QRICH2: variants seen among roughly 807,000 people sequenced by gnomAD.
QRICH2 encodes glutamine-rich protein 2.
In QRICH2, 119 loss-of-function variants were observed where a neutral mutation model predicts 168.3. That is an observed-to-expected ratio of 0.71 (90% confidence interval 0.61 to 0.82). The LOEUF (loss-of-function observed/expected upper bound fraction) is 0.82. QRICH2 is among the 40% of genes least tolerant of loss of function. QRICH2 has a pLI of 0.00. For synonymous variants in QRICH2, 894 were observed against 951.2 expected, an observed-to-expected ratio of 0.94 and a Z score of 1.11; for missense variants, 2,241 against 2,491.6, an observed-to-expected ratio of 0.90 and a Z score of 2.14.
chr17:76,279,424 G>A lies in QRICH2; in HGVS notation c.4753C>T (p.Leu1585Phe). 6.2e-7 allele frequency: 1 copy of A among 1,610,814 alleles called. No homozygotes were observed. The highest frequency in any genetic ancestry group is 2.2e-5 in the East Asian group (1 of 44,716). The change falls in exon 13 of 19, where the codon CTC becomes TTC. Residue 1585 changes from leucine to phenylalanine, a missense_variant. Around this residue, in one of 3 missense-constraint regions of QRICH2, gnomAD observed 2,047 missense variants for 2,303.8 expected, o/e 0.89. Coordinates refer to ENST00000680821, the MANE Select transcript of QRICH2 (RefSeq NM_001388453.1). Reference protein sequence around the residue: ...ADEAAAMRRQLLAHFHCLSCD... With the variant: ...ADEAAAMRRQFLAHFHCLSCD... ...GAGAGGCAGTGGAAATGTGCCAGGA[G>A]CTGCCTGTTAGGAATGGGACGCACA...
chr17:76,305,001 GCA>G (rs1320816733), intron 1 of QRICH2, 60 bp from the exon 2 acceptor site: 117 of 1,077,412 alleles, frequency 1.1e-4, no homozygotes, highest in Non-Finnish European at 1.4e-4. Context: ...ACACTCACAT[GCA>G]CACACACACA....
In QRICH2 at chr17:76,280,428, G is replaced by A; in HGVS notation, c.4485C>T (p.Ala1495=). The change falls in exon 11 of 19, where the codon GCC becomes GCT. Residue 1495 remains alanine (A), a synonymous_variant. Coordinates refer to ENST00000680821, the MANE Select transcript of QRICH2 (RefSeq NM_001388453.1). The surrounding 1 kb of genome is among the most constrained non-coding windows in gnomAD (Gnocchi z 7.4). ...CAAACTGGACACGGCTCACTTTGGT[G>A]GCCAGAGCACTCTTGTCGGCTTTCT... ...IDVKADKSAL[A]TKVSRVQFDA... The A allele has an allele frequency of 6.2e-7, 1 of 1,614,118 alleles. No individual in the cohort carries two copies. Among genetic ancestry groups the A allele is most frequent in the Non-Finnish European group, 8.5e-7 (1 of 1,180,016 alleles).
rs1288717058 is a variant in QRICH2 at position 76,280,868 on chromosome 17, A to C, written c.4349T>G (p.Leu1450Arg). 6.2e-7 allele frequency: 1 copy of C among 1,613,642 alleles called. No homozygotes were observed. Among genetic ancestry groups the C allele is most frequent in the Admixed American group, 1.7e-5 (1 of 60,012 alleles). The change falls in exon 9 of 19, where the codon CTC becomes CGC. Residue 1450 changes from leucine to arginine, a missense_variant. Transcript: ENST00000680821. This position sits in a 1 kb window ranked among gnomAD's most constrained non-coding sequence, Gnocchi z 7.4. ...CEKLNITTSN[L>R]IEDHRQKQKD... ...CTGTTTCTGCCGATGGTCCTCGATG[A>C]GGTTGCTGGTGGTGATGTTGAGCTT...
chr17:76,281,234 C>T lies in QRICH2; in HGVS notation c.4264-281G>A, dbSNP rs974770425. ...AACAGTGCGGGAGGCCCTCTGTCTG[C>T]CCTTTCTGGGTGTCCACCCCCACAG... On this transcript the variant is annotated intron_variant, in intron 8 of 18. Coordinates refer to ENST00000680821, the MANE Select transcript of QRICH2 (RefSeq NM_001388453.1). This position sits in a 1 kb window ranked among gnomAD's most constrained non-coding sequence, Gnocchi z 4.4. 1.3e-5 allele frequency among the ~76,000 whole-genome samples: 2 copies of T among 152,194 alleles called. No individual in the cohort carries two copies. The highest frequency in any genetic ancestry group is 2.4e-5 in the African/African-American group (1 of 41,432).
chr17:76,280,346 C>A lies in QRICH2; in HGVS notation c.4567G>T (p.Gly1523Trp). 1 of 1,614,210 alleles carries A rather than the reference C, an allele frequency of 6.2e-7. No homozygotes were observed. Among genetic ancestry groups the A allele is most frequent in the South Asian group, 1.1e-5 (1 of 91,086 alleles). ...MMQELVAKMS[G>W]QEQDWQKMLD... ...ATCTTCTGCCAGTCCTGCTCCTGCCCGCTCATCTTGGCCACCAGCTCCTGC... is the reference window on the plus strand; with the variant it reads ...ATCTTCTGCCAGTCCTGCTCCTGCCAGCTCATCTTGGCCACCAGCTCCTGC... Residue 1523 changes from glycine to tryptophan, a missense_variant, in exon 11 of 19, where the codon GGG becomes TGG. By Grantham distance (184) the Gly-to-Trp change is radical (BLOSUM62 -2). Around this residue, in one of 3 missense-constraint regions of QRICH2, gnomAD observed 2,047 missense variants for 2,303.8 expected, o/e 0.89. Transcript: ENST00000680821. This position sits in a 1 kb window ranked among gnomAD's most constrained non-coding sequence, Gnocchi z 7.4.
In QRICH2 at chr17:76,308,000, G is replaced by C; in HGVS notation, c.-2C>G. 8.1e-7 allele frequency: 1 copy of C among 1,233,196 alleles called. No homozygotes were observed. Among genetic ancestry groups the C allele is most frequent in the Non-Finnish European group, 1.0e-6 (1 of 988,504 alleles). The allele number at this position is 1,233,196 out of a possible 1,614,324, so 76.4% of individuals were successfully genotyped here. ...GGAGACCGTGGTCGCGGGCGGCATCGTGGCTGTCAGGAGCTGTGCGCCGCC... is the reference window on the plus strand; with the variant it reads ...GGAGACCGTGGTCGCGGGCGGCATCCTGGCTGTCAGGAGCTGTGCGCCGCC... On this transcript the variant is annotated 5_prime_UTR_variant, in exon 1 of 19. Transcript: ENST00000680821. The surrounding 1 kb of genome is among the most constrained non-coding windows in gnomAD (Gnocchi z 5.3).
chr17:76,305,740 A>G (rs1179226424), intron 1 of QRICH2, among the ~76,000 whole-genome samples: 1 of 152,224 alleles, frequency 6.6e-6, no homozygotes, highest in Non-Finnish European at 1.5e-5. Flanking sequence ...AAGCACCTCA[A>G]AAGAACCAAA....
intron 5 of QRICH2, 109 bp from the exon 6 acceptor site, chr17:76,288,006 A>C (rs1474668429): frequency 2.6e-6 from 2 of 762,412 alleles, no homozygotes; most frequent in Non-Finnish European, 4.6e-6. Flanking sequence ...TACTAACCCA[A>C]CCCCCTCCGA....
chr17:76,293,694 T>A lies in QRICH2; in HGVS notation c.1033A>T (p.Arg345Ter), dbSNP rs1405054931. The change falls in exon 4 of 19, where the codon AGA becomes TGA. Residue 345 changes from arginine (R) to a stop codon, truncating the protein, a stop_gained. Transcript: ENST00000680821. LOFTEE classifies it high-confidence loss of function. ...GGTTGTGTCGAGGTAAGCTTCTCTC[T>A]ACTCCTGTGACGATCTGAGTCTGAT... ...FKSDSDRHRS[R>*]EKLTSTQPRR... 1.9e-6 allele frequency: 3 copies of A among 1,614,154 alleles called. No homozygotes were observed. The highest frequency in any genetic ancestry group is 2.5e-6 in the Non-Finnish European group (3 of 1,180,018).
At chr17:76,290,105 G>C (rs778177553) in intron 4 of QRICH2, 28 bp from the exon 5 acceptor site, 10 of 1,555,186 alleles carry the variant, frequency 6.4e-6, no homozygotes, top group Admixed American at 1.7e-5. Context: ...CTTATGATCA[G>C]AGGGGTTAGA....
chr17:76,287,094 G>T, intron 7 of QRICH2, 98 bp downstream of exon 7: 1 of 631,000 alleles, frequency 1.6e-6, no homozygotes, highest in Non-Finnish European at 2.9e-6. Context: ...ACACATGATG[G>T]GAGGGACCTA....
chr17:76,308,085 G>A lies in QRICH2; in HGVS notation c.-87C>T. ...ACGCCGCGCCTTGGGGCCTTTCGGG[G>A]GCCCTGCGAGGTCCTCGGGGCGCCC... On this transcript the variant is annotated 5_prime_UTR_variant, in exon 1 of 19. Coordinates refer to ENST00000680821, the MANE Select transcript of QRICH2 (RefSeq NM_001388453.1). The A allele has an allele frequency of 4.9e-6, 6 of 1,226,478 alleles. No homozygotes were observed. The highest frequency in any genetic ancestry group is 5.1e-6 in the Non-Finnish European group (5 of 985,040). The allele number at this position is 1,226,478 out of a possible 1,614,324, so 76.0% of individuals were successfully genotyped here. A position where few individuals can be genotyped will look rare whatever the true frequency, so the allele number is the denominator to read the frequency against.
chr17:76,280,935 G>A lies in QRICH2; in HGVS notation c.4282C>T (p.Arg1428Cys), dbSNP rs974821346. ...LQRQDEELLG[R>C]VQSAILQVQG... is the part of the protein sequence containing the mutation. ...ACCTGCAGGATGGCACTCTGCACAC[G>A]GCCCAGCAGCTCCTCGTCCTGCGGC... The change falls in exon 9 of 19, where the codon CGT becomes TGT. Residue 1428 changes from arginine (R) to cysteine (C), a missense_variant. Around this residue, in one of 3 missense-constraint regions of QRICH2, gnomAD observed 2,047 missense variants for 2,303.8 expected, o/e 0.89. Transcript: ENST00000680821. This position sits in a 1 kb window ranked among gnomAD's most constrained non-coding sequence, Gnocchi z 7.4. The A allele has an allele frequency of 2.5e-5, 40 of 1,611,036 alleles. No homozygotes were observed. The highest frequency in any genetic ancestry group is 8.9e-5 in the East Asian group (4 of 44,874).
rs780643550 is a variant in QRICH2 at position 76,292,660 on chromosome 17, G to A, written c.2067C>T (p.Gly689=). The A allele has an allele frequency of 7.4e-6, 12 of 1,612,848 alleles. No individual in the cohort carries two copies. The highest frequency in any genetic ancestry group is 9.3e-6 in the Non-Finnish European group (11 of 1,179,686). The change falls in exon 4 of 19, where the codon GGC becomes GGT. Residue 689 remains glycine (G), a synonymous_variant. Transcript: ENST00000680821. ...ALVQPGAYQP[G]LVQPGADQID... ...TCTGATCTGCACCAGGTTGGACCAAGCCAGGCTGATATGCACCAGGCTGCA... is the reference window on the plus strand; with the variant it reads ...TCTGATCTGCACCAGGTTGGACCAAACCAGGCTGATATGCACCAGGCTGCA...
chr17:76,277,918 C>A, intron 15 of QRICH2, 71 bp downstream of exon 15: 1 of 1,527,746 alleles, frequency 6.5e-7, no homozygotes, highest in African/African-American at 1.4e-5. Context: ...ATTTGCACAG[C>A]CGTGCACGAG....
Position 76,291,049 on chromosome 17 carries a change from G to C in QRICH2, c.3678C>G (p.Asp1226Glu). 2 of 1,613,894 alleles carry C rather than the reference G, an allele frequency of 1.2e-6. No individual in the cohort carries two copies. Among genetic ancestry groups the C allele is most frequent in the Non-Finnish European group, 1.7e-6 (2 of 1,179,770 alleles). The stretch of plus-strand genomic sequence containing the variant: ...CCAGCAGGAACTGGATCTTCTCCAA[G>C]TCGGTTTGGCCGGCCTGCTCCTCAT... ...DLDEEQAGQT[D>E]LEKIQFLLAQ... The change falls in exon 4 of 19, where the codon GAC (aspartate) becomes GAG (glutamate). Residue 1226 changes from aspartate (D) to glutamate (E), a missense_variant. Transcript: ENST00000680821.
chr17:76,308,005 T>TGTCAG lies in QRICH2; in HGVS notation c.-12_-8dup. The TGTCAG allele has an allele frequency of 8.1e-7, 1 of 1,232,808 alleles. No individual in the cohort carries two copies. The highest frequency in any genetic ancestry group is 1.0e-6 in the Non-Finnish European group (1 of 988,280). 76.4% of individuals were successfully genotyped at this position (1,232,808 alleles called of 1,614,324 possible). A position where few individuals can be genotyped will look rare whatever the true frequency, so the allele number is the denominator to read the frequency against. Reference sequence around the variant, plus strand: ...CCGTGGTCGCGGGCGGCATCGTGGCTGTCAGGAGCTGTGCGCCGCCGCGGG... The same window carrying TGTCAG: ...CCGTGGTCGCGGGCGGCATCGTGGCTGTCAGGTCAGGAGCTGTGCGCCGCCGCGGG... On this transcript the variant is annotated 5_prime_UTR_variant, in exon 1 of 19. Transcript: ENST00000680821.
rs747291554 is a variant in QRICH2, at chr17:76,291,312, G to A, written c.3415C>T (p.Arg1139Ter). The change falls in exon 4 of 19, where the codon CGA (arginine) becomes TGA (stop). Residue 1139 changes from arginine (R) to a stop codon, truncating the protein, a stop_gained. Transcript: ENST00000680821. LOFTEE classifies it high-confidence loss of function. ...LDPNRTRASD[R>*]HGIPAQKAPG... Reference sequence around the variant, plus strand: ...GCCTTCTGGGCAGGAATTCCATGTCGGTCCGAGGCTCGTGTTCTATTTGGA... The same window carrying A: ...GCCTTCTGGGCAGGAATTCCATGTCAGTCCGAGGCTCGTGTTCTATTTGGA... The A allele has an allele frequency of 1.1e-5, 17 of 1,614,002 alleles. No homozygotes were observed. Among genetic ancestry groups the A allele is most frequent in the Middle Eastern group, 1.6e-4 (1 of 6,084 alleles).
At chr17:76,298,559 A>G (rs1205286207) in intron 3 of QRICH2, among the ~76,000 whole-genome samples, 2 of 151,996 alleles carry the variant, frequency 1.3e-5, no homozygotes, top group Non-Finnish European at 2.9e-5. Flanking sequence ...GGCCTCAAGC[A>G]CTTCTCCCGC....
Sources: allele counts gnomAD v4.1 joint callset (sites outside exome capture counted in the v4.1 genomes callset), GRCh38; gene constraint gnomAD v4.1.1; regional missense constraint gnomAD v4.1.1; non-coding constraint Gnocchi (gnomAD v3.1); transcripts MANE v1.5; gene names NCBI Gene and HGNC (gene_info 2026-07-23, HGNC 2026-07-21).